ADAMTSL3: variants seen among roughly 807,000 people sequenced by gnomAD.
The protein encoded by ADAMTSL3 is ADAMTS like 3, also known as ADAMTS-like protein 3.
Under a neutral mutation model 201.7 loss-of-function variants are expected in ADAMTSL3, and 128 were observed. The ratio of observed to expected loss-of-function variants is 0.63; its 90% CI spans 0.55 to 0.73. ADAMTSL3 has a LOEUF of 0.73. ADAMTSL3 is among the 30% of genes least tolerant of loss of function. The pLI, the probability that ADAMTSL3 is intolerant of heterozygous loss-of-function variation, is 0.00. For missense variants in ADAMTSL3, 1,990 were observed against 2,119.6 expected (o/e 0.94, Z 1.20); for synonymous variants, 738 against 748.4 (o/e 0.99, Z 0.23).
intron 8 of ADAMTSL3, among the ~76,000 whole-genome samples, chr15:83,859,577 A>C (rs963717799): frequency 1.3e-5 from 2 of 152,158 alleles, no homozygotes; most frequent in African/African-American, 4.8e-5. Flanking sequence ...TTAATCCACT[A>C]TTACCTTGTT....
intron 13 of ADAMTSL3, among the ~76,000 whole-genome samples, chr15:83,897,299 A>C (rs548457898): frequency 2.0e-4 from 31 of 152,282 alleles, no homozygotes; most frequent in African/African-American, 7.5e-4. Context: ...CTTTAACTGC[A>C]GGCAGTTATA....
chr15:83,896,549 G>A (rs559628318), intron 13 of ADAMTSL3, among the ~76,000 whole-genome samples: 18 of 152,098 alleles, frequency 1.2e-4, no homozygotes, highest in South Asian at 4.1e-4. Flanking sequence ...GGGGTTCATC[G>A]GTTGGAACAA....
At chr15:83,898,933 C>G (rs1020677363) in intron 14 of ADAMTSL3, among the ~76,000 whole-genome samples, 1 of 152,192 alleles carries the variant, frequency 6.6e-6, no homozygotes, top group Non-Finnish European at 1.5e-5. Context: ...CAGGTACAAA[C>G]ATTGACTACT....
At chr15:83,817,773 C>T (rs1233586794) in intron 5 of ADAMTSL3, among the ~76,000 whole-genome samples, 6 of 152,086 alleles carry the variant, frequency 3.9e-5, no homozygotes, top group South Asian at 2.1e-4. Flanking sequence ...AAGCTGGGCG[C>T]GGTGGCTCAC....
At chr15:83,714,090 T>G (rs1265241256) in intron 3 of ADAMTSL3, among the ~76,000 whole-genome samples, 1 of 152,240 alleles carries the variant, frequency 6.6e-6, no homozygotes, top group African/African-American at 2.4e-5. Context: ...TCTCTGTGTT[T>G]AGTTACCTTT....
At chr15:83,729,344 A>G (rs2062229394) in intron 3 of ADAMTSL3, among the ~76,000 whole-genome samples, 1 of 151,934 alleles carries the variant, frequency 6.6e-6, no homozygotes, top group Admixed American at 6.6e-5. Flanking sequence ...TAAAATTCCT[A>G]CCCTAATCTT....
At chr15:83,853,806 A>T (rs1323018970) in intron 7 of ADAMTSL3, among the ~76,000 whole-genome samples, 1 of 152,188 alleles carries the variant, frequency 6.6e-6, no homozygotes, top group Non-Finnish European at 1.5e-5. Flanking sequence ...CATACATAAA[A>T]GTTGATAAAA....
At chr15:83,733,994 G>GT (rs1210872516) in intron 3 of ADAMTSL3, among the ~76,000 whole-genome samples, 4 of 152,130 alleles carry the variant, frequency 2.6e-5, no homozygotes, top group Admixed American at 6.6e-5. Context: ...TTAAAGATTG[G>GT]TATTCAGACA....
chr15:83,942,489 G>T (rs955367664), intron 17 of ADAMTSL3, 107 bp from the exon 18 acceptor site: 3 of 951,288 alleles, frequency 3.2e-6, no homozygotes, highest in African/African-American at 3.2e-5. Context: ...TGTATACAGG[G>T]TGTGAAGTCT....
In ADAMTSL3 at chr15:83,913,235, C is replaced by A. The variant is rs1363604634; in HGVS notation, c.1844C>A (p.Pro615His). 1 of 1,614,130 alleles carries A rather than the reference C, an allele frequency of 6.2e-7. No individual in the cohort carries two copies. Among genetic ancestry groups the A allele is most frequent in the Non-Finnish European group, 8.5e-7 (1 of 1,180,018 alleles). ...GAAGAGTGTGAAGGCCCCAAGCTGCCCACCGAACGGCCCTGCCTCCTGGAA... is the reference window on the plus strand; with the variant it reads ...GAAGAGTGTGAAGGCCCCAAGCTGCACACCGAACGGCCCTGCCTCCTGGAA... ...PEEECEGPKL[P>H]TERPCLLEAC... The change falls in exon 16 of 30, where the codon CCC becomes CAC. Residue 615 changes from proline (P) to histidine (H), a missense_variant. Pro to His is a moderately conservative substitution (Grantham distance 77). Coordinates refer to ENST00000286744, the MANE Select transcript of ADAMTSL3 (RefSeq NM_207517.3).
chr15:83,856,254 A>G (rs1596319487), intron 7 of ADAMTSL3, among the ~76,000 whole-genome samples: 1 of 149,112 alleles, frequency 6.7e-6, no homozygotes, highest in Non-Finnish European at 1.5e-5. Flanking sequence ...TGCAGCCTCA[A>G]CCTCCTGGGC....
rs118115040 is a variant in ADAMTSL3, at chr15:83,735,809, C to G, written c.189+31301C>G. On this transcript the variant is annotated intron_variant, in intron 3 of 29. Coordinates refer to ENST00000286744, the MANE Select transcript of ADAMTSL3 (RefSeq NM_207517.3). ...ACAAAAGAGGAAGCCCCACGTTTAA[C>G]ACACGTAAAATAAAATTTTAAGGAG... Among the ~76,000 whole-genome samples, 222 of 152,148 alleles carry G rather than the reference C, an allele frequency of 1.5e-3. 6 individuals are homozygous for G. The East Asian group carries it at 0.02, about 14-fold the overall frequency.
At chr15:83,947,742 T>C (rs1404417631) in intron 19 of ADAMTSL3, among the ~76,000 whole-genome samples, 2 of 152,254 alleles carry the variant, frequency 1.3e-5, no homozygotes, top group South Asian at 2.1e-4. Context: ...AGCCCAATAT[T>C]TGATCCTTTT....
At position 83,661,441 on chromosome 15, in the gene ADAMTSL3, A is replaced by G. The variant is rs532247404; in HGVS notation, c.69+5611A>G. Among the ~76,000 whole-genome samples, 864 of 151,866 alleles carry G rather than the reference A, an allele frequency of 5.7e-3. 10 individuals carry two copies. The highest frequency in any genetic ancestry group is 0.02 in the Middle Eastern group (6 of 294). ...ATGGAATGTTCTTCCATTTGTTTGT[A>G]TCCTCTTTTATTTCCTTGAGCAGAG... On this transcript the variant is annotated intron_variant, in intron 2 of 29. Coordinates refer to ENST00000286744, the MANE Select transcript of ADAMTSL3 (RefSeq NM_207517.3).
In ADAMTSL3 at chr15:83,913,297, A is replaced by T. The variant is rs141127294; in HGVS notation, c.1906A>T (p.Ile636Phe). 16 of 1,614,024 alleles carry T rather than the reference A, an allele frequency of 9.9e-6. No homozygotes were observed. In the African/African-American group the frequency reaches 2.1e-4, roughly 22 times the overall value. Residue 636 changes from isoleucine to phenylalanine, a missense_variant, in exon 16 of 30, where the codon ATC becomes TTC. Physicochemically the swap from Ile to Phe is conservative, Grantham distance 21. Coordinates refer to ENST00000286744, the MANE Select transcript of ADAMTSL3 (RefSeq NM_207517.3). ...GAGCCCGGCCTCCCGAGAGCTAGAC[A>T]TCCCTCTCCCTGAGGACAGTGAGAC... Reference protein sequence around the residue: ...DESPASRELDIPLPEDSETTY... With the variant: ...DESPASRELDFPLPEDSETTY...
At chr15:83,726,737 A>G (rs1596097296) in intron 3 of ADAMTSL3, among the ~76,000 whole-genome samples, 1 of 152,086 alleles carries the variant, frequency 6.6e-6, no homozygotes, top group East Asian at 1.9e-4. Flanking sequence ...TCCCTGGAAT[A>G]AATCCTACTA....
intron 19 of ADAMTSL3, among the ~76,000 whole-genome samples, chr15:83,959,322 G>A (rs531659460): frequency 1.3e-5 from 2 of 152,232 alleles, no homozygotes; most frequent in East Asian, 1.9e-4. Flanking sequence ...TCAGTTACTC[G>A]GGAGGCTGAG....
intron 3 of ADAMTSL3, among the ~76,000 whole-genome samples, chr15:83,762,156 T>C (rs958770560): frequency 3.3e-5 from 5 of 152,140 alleles, no homozygotes; most frequent in Admixed American, 6.5e-5. Context: ...GTTCAAGTGA[T>C]TCTCCTGCCT....
chr15:83,668,480 G>C (rs2061280324), intron 2 of ADAMTSL3, among the ~76,000 whole-genome samples: 1 of 151,046 alleles, frequency 6.6e-6, no homozygotes, highest in South Asian at 2.1e-4. Flanking sequence ...CAATTTTTAT[G>C]TAAATTATTT....
Sources: gnomAD v4.1 joint callset for allele counts (sites outside exome capture counted in the v4.1 genomes callset) on GRCh38, gnomAD v4.1.1 for gene constraint, MANE v1.5 for transcripts, NCBI Gene and HGNC (gene_info 2026-07-23, HGNC 2026-07-21) for gene names.